The following ACOT7 variants were observed in gnomAD, a reference collection of about 807,000 sequenced individuals.
ACOT7 encodes cytosolic acyl coenzyme A thioester hydrolase.
In ACOT7, 12 loss-of-function variants were observed where a neutral mutation model predicts 40.2. The observed-to-expected ratio is 0.30, with a 90% CI of 0.19 to 0.48. ACOT7 has a LOEUF of 0.48. Ranked by LOEUF, ACOT7 falls within the 20% of genes least tolerant of loss-of-function variation. The pLI is 0.99. For missense variants in ACOT7, 395 were observed against 530.8 expected, an observed-to-expected ratio of 0.74 and a Z score of 2.51; for synonymous variants, 228 against 219.5, an observed-to-expected ratio of 1.04 and a Z score of -0.34.
intron 8 of ACOT7, among the ~76,000 whole-genome samples, chr1:6,267,020 C>A (rs936860038): frequency 6.6e-6 from 1 of 152,162 alleles, no homozygotes; most frequent in Non-Finnish European, 1.5e-5. Flanking sequence ...CCCCTCGGCT[C>A]GGGTCCTCCC....
At position 6,327,252 on chromosome 1, in the gene ACOT7, G is replaced by A. The variant is rs191560005; in HGVS notation, c.625+47C>T. The A allele has an allele frequency of 5.6e-3, 8,839 of 1,586,734 alleles. 31 individuals are homozygous for A. Among genetic ancestry groups the A allele is most frequent in the Non-Finnish European group, 6.6e-3 (7,680 of 1,157,420 alleles). Reference sequence around the variant, plus strand: ...CCCGGCCTGCTCCTGCCTCCTATGCGTCCCCGGTGAGGAGTGGCACCTGCT... The same window carrying A: ...CCCGGCCTGCTCCTGCCTCCTATGCATCCCCGGTGAGGAGTGGCACCTGCT... On this transcript the variant is annotated intron_variant, in intron 5 of 8. Coordinates refer to ENST00000361521, the MANE Select transcript of ACOT7 (RefSeq NM_007274.4).
At chr1:6,323,770 A>G (rs1472362850) in intron 5 of ACOT7, among the ~76,000 whole-genome samples, 3 of 139,276 alleles carry the variant, frequency 2.2e-5, no homozygotes, top group African/African-American at 7.9e-5. Context: ...ATATATATAT[A>G]GACAAATTAT....
At chr1:6,316,531 C>T (rs553657752) in intron 6 of ACOT7, among the ~76,000 whole-genome samples, 10 of 152,290 alleles carry the variant, frequency 6.6e-5, no homozygotes, top group Non-Finnish European at 1.2e-4. Context: ...ACATCAGGGC[C>T]GGGCGCGGTG....
At chr1:6,366,176 C>T (rs185837405) in intron 1 of ACOT7, among the ~76,000 whole-genome samples, 74 of 152,104 alleles carry the variant, frequency 4.9e-4, no homozygotes, top group Admixed American at 2.0e-3. Flanking sequence ...GATTACCGCC[C>T]GGCCTGCAGA....
chr1:6,372,590 G>T (rs1024054130), intron 1 of ACOT7, among the ~76,000 whole-genome samples: 1 of 140,202 alleles, frequency 7.1e-6, no homozygotes, highest in Non-Finnish European at 1.5e-5. Context: ...TCGCTCTGTC[G>T]CCCAGGTTGG....
At chr1:6,305,211 A>C (rs1216438799) in intron 6 of ACOT7, among the ~76,000 whole-genome samples, 12 of 138,972 alleles carry the variant, frequency 8.6e-5, no homozygotes, top group African/African-American at 3.1e-4. Flanking sequence ...TGTCCCCCCC[A>C]CATCCTTCCC....
intron 1 of ACOT7, chr1:6,385,753 A>G: frequency 6.7e-7 from 1 of 1,502,594 alleles, no homozygotes; most frequent in East Asian, 2.4e-5. Context: ...CCGGCTCAGC[A>G]GTGAGCCGGT....
intron 1 of ACOT7, among the ~76,000 whole-genome samples, chr1:6,366,712 G>A (rs1446437489): frequency 1.3e-5 from 2 of 151,082 alleles, no homozygotes; most frequent in Admixed American, 6.6e-5. Flanking sequence ...CTGGAGTACA[G>A]TGGCATGATC....
In ACOT7 at chr1:6,355,929, C is replaced by T. The variant is rs1641731072; in HGVS notation, c.144-6063G>A. ...CTCACCTTGAGGGCTGGCCATGCCT[C>T]CTGTGCCCTGGGGTCCTCTCAAGGT... On this transcript the variant is annotated intron_variant, in intron 1 of 8. Coordinates refer to ENST00000361521, the MANE Select transcript of ACOT7 (RefSeq NM_007274.4). The surrounding 1 kb of genome is among the most constrained non-coding windows in gnomAD (Gnocchi z 5.0). Among the ~76,000 whole-genome samples, 2 of 152,172 alleles carry T rather than the reference C, an allele frequency of 1.3e-5. No individual in the cohort carries two copies. Among genetic ancestry groups the T allele is most frequent in the South Asian group, 4.1e-4 (2 of 4,832 alleles).
chr1:6,269,973 A>G (rs1260544526), intron 8 of ACOT7, among the ~76,000 whole-genome samples: 2 of 152,230 alleles, frequency 1.3e-5, no homozygotes, highest in Non-Finnish European at 2.9e-5. Context: ...AAGGGCAGGG[A>G]TGTCCCAGGT....
intron 1 of ACOT7, among the ~76,000 whole-genome samples, chr1:6,387,718 C>T (rs996745341): frequency 6.6e-6 from 1 of 152,184 alleles, no homozygotes; most frequent in African/African-American, 2.4e-5. Context: ...GGTGCCAATT[C>T]CAGGGCAATG....
chr1:6,373,012 C>G (rs573579938), intron 1 of ACOT7, among the ~76,000 whole-genome samples: 17 of 152,248 alleles, frequency 1.1e-4, no homozygotes, highest in African/African-American at 3.9e-4. Flanking sequence ...GTGGGGCAGT[C>G]AGAACACATA....
intron 3 of ACOT7, among the ~76,000 whole-genome samples, chr1:6,337,962 C>T (rs1641150404): frequency 7.0e-6 from 1 of 143,460 alleles, no homozygotes; most frequent in Non-Finnish European, 1.5e-5. Context: ...GATCACACCA[C>T]TGCACTCCAG....
intron 5 of ACOT7, among the ~76,000 whole-genome samples, chr1:6,322,666 T>C (rs1640681563): frequency 1.3e-5 from 2 of 152,238 alleles, no homozygotes; most frequent in African/African-American, 4.8e-5. Flanking sequence ...CCTCCTCTTC[T>C]TGTAAAGACA....
intron 6 of ACOT7, among the ~76,000 whole-genome samples, chr1:6,297,876 C>T (rs538019874): frequency 6.6e-5 from 10 of 151,758 alleles, no homozygotes; most frequent in Non-Finnish European, 1.2e-4. Flanking sequence ...GCTTGGGATG[C>T]TCTACACTCT....
chr1:6,339,638 G>A (rs375025262), intron 2 of ACOT7, 49 bp from the exon 3 acceptor site: 78 of 1,594,194 alleles, frequency 4.9e-5, no homozygotes, highest in African/African-American at 4.3e-4. Context: ...GCCCAGCCCC[G>A]AGAGCCCCAC....
At chr1:6,393,198 G>A in intron 1 of ACOT7, 59 bp downstream of exon 1, 3 of 1,230,618 alleles carry the variant, frequency 2.4e-6, no homozygotes, top group Middle Eastern at 3.1e-4. Context: ...AGCGGGGCAG[G>A]CCTGGGGCGG....
intron 1 of ACOT7, among the ~76,000 whole-genome samples, chr1:6,379,021 A>T (rs565284127): frequency 6.6e-6 from 1 of 151,518 alleles, no homozygotes; most frequent in Admixed American, 6.6e-5. Flanking sequence ...TCAGCCTCCC[A>T]AGTAGCTGGG....
rs1440068525 is a variant in ACOT7 at position 6,306,982 on chromosome 1, TCTCTGCCTTCCCTTTC to T, written c.712+11494_712+11509del. On this transcript the variant is annotated intron_variant, in intron 6 of 8. Transcript: ENST00000361521. The surrounding 1 kb of genome is among the most constrained non-coding windows in gnomAD (Gnocchi z 4.3). ...CTCACTTGCGTCCCCTCCCATGTTT[TCTCTGCCTTCCCTTTC>T]CTCTGCCTCCTCCTATAGTCTCAGG... 8.3e-7 allele frequency: 1 copy of T among 1,211,326 alleles called. No individual in the cohort carries two copies. The highest frequency in any genetic ancestry group is 1.6e-5 in the African/African-American group (1 of 64,168). The allele number at this position is 1,211,326 out of a possible 1,614,324, so 75.0% of individuals were successfully genotyped here. A position where few individuals can be genotyped will look rare whatever the true frequency, so the allele number is the denominator to read the frequency against.
Sources: gnomAD v4.1 joint callset for allele counts (sites outside exome capture counted in the v4.1 genomes callset) on GRCh38, gnomAD v4.1.1 for gene constraint, Gnocchi (gnomAD v3.1) non-coding constraint, MANE v1.5 for transcripts, NCBI Gene and HGNC (gene_info 2026-07-23, HGNC 2026-07-21) for gene names.